TLE2: variants seen among roughly 807,000 people sequenced by gnomAD.
TLE2 encodes the protein transducin-like enhancer protein 2.
Under a neutral mutation model 97.2 loss-of-function variants are expected in TLE2, and 74 were observed. That is an observed-to-expected ratio of 0.76 (90% CI 0.63 to 0.92). TLE2 has a LOEUF of 0.92. TLE2 is among the 40% of genes least tolerant of loss of function. The pLI, the probability that TLE2 is intolerant of heterozygous loss-of-function variation, is 0.00. For synonymous variants in TLE2, 499 were observed against 432.1 expected, an observed-to-expected ratio of 1.15 and a Z score of -1.92; for missense variants, 1,038 against 1,008.7, an observed-to-expected ratio of 1.03 and a Z score of -0.39.
chr19:3,029,461 C>A, upstream of TLE2: 2 of 976,480 alleles, frequency 2.0e-6, no homozygotes, highest in Non-Finnish European at 2.4e-6. Flanking sequence ...GGTGGGGAGG[C>A]GCCCAGTGCC....
At chr19:3,037,632 G>A (rs1003113579) in intron 1 of TLE2, among the ~76,000 whole-genome samples, 4 of 152,048 alleles carry the variant, frequency 2.6e-5, no homozygotes, top group South Asian at 2.1e-4. Context: ...CTGGGAGCCC[G>A]TGGTAGGAGG....
intron 8 of TLE2, 68 bp from the exon 9 acceptor site, chr19:3,015,828 C>T (rs2089690982): frequency 2.5e-6 from 3 of 1,190,388 alleles, no homozygotes; most frequent in Non-Finnish European, 3.6e-6. Context: ...CATTGTGATC[C>T]AGCCGAGACT....
chr19:3,002,935 G>C (rs1158603459), intron 17 of TLE2, among the ~76,000 whole-genome samples: 1 of 152,116 alleles, frequency 6.6e-6, no homozygotes, highest in African/African-American at 2.4e-5. Context: ...CCAACCTCAA[G>C]TGATCTGCCC....
intron 19 of TLE2, 58 bp downstream of exon 19, chr19:3,000,589 C>A: frequency 6.7e-7 from 1 of 1,498,604 alleles, no homozygotes; most frequent in Non-Finnish European, 9.1e-7. Flanking sequence ...CTCTGTCTGA[C>A]CCTGGCATAC....
chr19:2,997,808 T>C lies in TLE2; in HGVS notation c.*40A>G, dbSNP rs780046453. 1.4e-6 allele frequency: 2 copies of C among 1,458,630 alleles called. No homozygotes were observed. Among genetic ancestry groups the C allele is most frequent in the Non-Finnish European group, 1.9e-6 (2 of 1,055,320 alleles). The allele number at this position is 1,458,630 out of a possible 1,614,324, so 90.4% of individuals were successfully genotyped here. ...TGTCTGTCCTGGCTGCTGATTCCCC[T>C]GGGAGTCTGGACTTCGGGTACAGGA... On this transcript the variant is annotated 3_prime_UTR_variant, in exon 20 of 20. Transcript: ENST00000262953.
chr19:2,999,690 G>A (rs1233930823), intron 19 of TLE2, among the ~76,000 whole-genome samples: 1 of 147,738 alleles, frequency 6.8e-6, no homozygotes, highest in Non-Finnish European at 1.5e-5. Context: ...TAGTGCCGCT[G>A]CACTCCAGCC....
rs1170092043 is a variant in TLE2, at chr19:3,005,525, C to G, written c.1808G>C (p.Arg603Pro). 1.2e-6 allele frequency: 2 copies of G among 1,613,676 alleles called. No homozygotes were observed. The highest frequency in any genetic ancestry group is 1.7e-6 in the Non-Finnish European group (2 of 1,179,814). The change falls in exon 17 of 20, where the codon CGG becomes CCG. Residue 603 changes from arginine to proline, a missense_variant. Transcript: ENST00000262953. ...GTTGTCCAGGCCCCCTGTCCAGAGC[C>G]GAGTGCCGTAATCGGAAATATCAAT... ...SCIDISDYGT[R>P]LWTGGLDNTV...
upstream of TLE2, among the ~76,000 whole-genome samples, chr19:3,032,972 C>T (rs2090036990): frequency 6.7e-6 from 1 of 150,082 alleles, no homozygotes; most frequent in South Asian, 2.1e-4. The surrounding 1 kb of genome is among the most constrained non-coding windows in gnomAD (Gnocchi z 4.1). Flanking sequence ...CATGCTCTGT[C>T]GTCCAGGCTG....
rs765904425 is a variant in TLE2, at chr19:3,017,870, G to T, written c.551-11C>A. ...TCGGGGCTCTCTCCACTGACAGATT[G>T]GGAATGGGATAAAGAGAAAGAAGGA... On this transcript the variant is annotated splice_polypyrimidine_tract_variant and intron_variant, in intron 7 of 19. Coordinates refer to ENST00000262953, the MANE Select transcript of TLE2 (RefSeq NM_003260.5). 9 of 1,612,092 alleles carry T rather than the reference G, an allele frequency of 5.6e-6. No homozygotes were observed. The highest frequency in any genetic ancestry group is 6.8e-6 in the Non-Finnish European group (8 of 1,179,102).
intron 9 of TLE2, among the ~76,000 whole-genome samples, chr19:3,015,048 A>G (rs1285739756): frequency 8.9e-6 from 1 of 111,984 alleles, no homozygotes; most frequent in Admixed American, 1.1e-4. Context: ...AAATAAATAA[A>G]ATTCATTGCC....
At chr19:3,027,250 C>T (rs1344107578) in intron 4 of TLE2, among the ~76,000 whole-genome samples, 1 of 152,250 alleles carries the variant, frequency 6.6e-6, no homozygotes, top group African/African-American at 2.4e-5. Context: ...GAGTCAATCT[C>T]AAAGCCCTGA....
upstream of TLE2, among the ~76,000 whole-genome samples, chr19:3,046,931 T>TCCCTCCTCCTCCTCC (rs1247386481): frequency 2.8e-5 from 2 of 71,432 alleles, no homozygotes; most frequent in African/African-American, 6.3e-5. Flanking sequence ...CCCCCTCCTC[T>TCCCTCCTCCTCCTCC]GCCTCCCCCT....
At chr19:3,001,626 C>T (rs1267506077) in intron 18 of TLE2, among the ~76,000 whole-genome samples, 1 of 151,874 alleles carries the variant, frequency 6.6e-6, no homozygotes, top group Non-Finnish European at 1.5e-5. Context: ...CCTGGCACTA[C>T]AGGTGCGACC....
At chr19:3,025,535 G>A (rs771715024) in intron 4 of TLE2, 180 of 993,756 alleles carry the variant, frequency 1.8e-4, no homozygotes, top group Non-Finnish European at 2.1e-4. Context: ...GGTCTCCTCC[G>A]CTTCCCAGGA....
upstream of TLE2, among the ~76,000 whole-genome samples, chr19:3,030,696 G>A (rs1446620977): frequency 2.0e-5 from 3 of 152,098 alleles, no homozygotes; most frequent in African/African-American, 7.2e-5. Flanking sequence ...AGCTGAGGAG[G>A]GAGGATCGCT....
At position 3,009,884 on chromosome 19, in the gene TLE2, TC is replaced by T. The variant is rs1270934835; in HGVS notation, c.1013-183del. Among the ~76,000 whole-genome samples, 4 of 41,366 alleles carry T rather than the reference TC, an allele frequency of 9.7e-5. No individual in the cohort carries two copies. The Admixed American group carries it at 1.0e-3, about 11-fold the overall frequency. 27.1% of individuals were successfully genotyped at this position (41,366 alleles called of 152,430 possible). A position where few individuals can be genotyped will look rare whatever the true frequency, so the allele number is the denominator to read the frequency against. On this transcript the variant is annotated intron_variant, in intron 12 of 19. Coordinates refer to ENST00000262953, the MANE Select transcript of TLE2 (RefSeq NM_003260.5). The stretch of plus-strand genomic sequence containing the variant: ...CCTCCAGTGGACACGACTTTCTCTC[TC>T]TCTTTTTTTCTTTTGTTTGAGATGG...
chr19:3,013,538 A>G, intron 11 of TLE2, 131 bp downstream of exon 11: 1 of 900,600 alleles, frequency 1.1e-6, no homozygotes, highest in East Asian at 3.3e-5. Context: ...AAAAAAGCAC[A>G]GGGAAAGGGT....
At chr19:2,999,028 G>A (rs2089290214) in intron 19 of TLE2, among the ~76,000 whole-genome samples, 2 of 152,240 alleles carry the variant, frequency 1.3e-5, no homozygotes, top group East Asian at 1.9e-4. Flanking sequence ...TGGCACGGTG[G>A]CTCGGCGCTT....
intron 9 of TLE2, among the ~76,000 whole-genome samples, chr19:3,015,437 T>C (rs2089681046): frequency 6.6e-6 from 1 of 152,224 alleles, no homozygotes; most frequent in Admixed American, 6.5e-5. Context: ...GGAAAATGGC[T>C]GTACGGCCAA....
Sources: gnomAD v4.1 joint callset for allele counts (sites outside exome capture counted in the v4.1 genomes callset) on GRCh38, gnomAD v4.1.1 for gene constraint, Gnocchi (gnomAD v3.1) non-coding constraint, MANE v1.5 for transcripts, NCBI Gene and HGNC (gene_info 2026-07-23, HGNC 2026-07-21) for gene names.